The following CTNND2 variants were observed in gnomAD, a reference collection of about 807,000 sequenced individuals.
CTNND2 encodes the protein catenin delta-2.
A neutral mutation model predicts 144.4 loss-of-function variants in CTNND2; 22 were observed. The ratio of observed to expected loss-of-function variants is 0.15; its 90% confidence interval spans 0.11 to 0.22. The LOEUF (loss-of-function observed/expected upper bound fraction) is 0.22. Ranked by LOEUF, CTNND2 falls within the 10% of genes least tolerant of loss-of-function variation. The pLI is 1.00. For synonymous variants in CTNND2, 751 were observed against 695.6 expected (o/e 1.08, Z -1.25); for missense variants, 1,353 against 1,618.8 (o/e 0.84, Z 2.82).
chr5:11,151,625 G>A (rs1757765649), intron 12 of CTNND2, among the ~76,000 whole-genome samples: 1 of 152,154 alleles, frequency 6.6e-6, no homozygotes, highest in Non-Finnish European at 1.5e-5. Context: ...TTTAAAAGAA[G>A]CCCATATTTG....
intron 6 of CTNND2, among the ~76,000 whole-genome samples, chr5:11,390,412 T>A (rs886902090): frequency 6.6e-6 from 1 of 152,146 alleles, no homozygotes; most frequent in Admixed American, 6.5e-5. Context: ...GAAAATTTAT[T>A]CAATCCTCAT....
chr5:11,174,794 A>G (rs1388306807), intron 11 of CTNND2, among the ~76,000 whole-genome samples: 2 of 152,244 alleles, frequency 1.3e-5, no homozygotes, highest in Non-Finnish European at 2.9e-5. Context: ...CAAAGCACGC[A>G]GAACGGTGCA....
intron 2 of CTNND2, among the ~76,000 whole-genome samples, chr5:11,660,286 G>A (rs1783123355): frequency 6.6e-6 from 1 of 152,108 alleles, no homozygotes; most frequent in African/African-American, 2.4e-5. Context: ...ATGAAGGTCT[G>A]CTATTTGATG....
At chr5:11,560,246 TAA>T (rs1250704410) in intron 3 of CTNND2, among the ~76,000 whole-genome samples, 2 of 152,216 alleles carry the variant, frequency 1.3e-5, no homozygotes, top group African/African-American at 4.8e-5. Flanking sequence ...TTCATCAGCA[TAA>T]GTCTTCTAAG....
At chr5:11,237,658 G>A (rs561526860) in intron 9 of CTNND2, among the ~76,000 whole-genome samples, 65 of 152,154 alleles carry the variant, frequency 4.3e-4, no homozygotes, top group African/African-American at 1.4e-3. Flanking sequence ...GTGTCACCAC[G>A]TCCGTCTTAA....
chr5:11,519,989 A>T lies in CTNND2; in HGVS notation c.287+44955T>A, dbSNP rs540108947. Among the ~76,000 whole-genome samples the T allele has an allele frequency of 3.0e-3, 315 of 104,368 alleles. 1 individual carries two copies. The highest frequency in any genetic ancestry group is 0.02 in the African/African-American group (304 of 15,318). 68.5% of individuals were successfully genotyped at this position (104,368 alleles called of 152,430 possible). ...CCCCATTTCTACTAAAAATAGAATA[A>T]AAAAAAAAACAGCTGGGCGTGGTGG... On this transcript the variant is annotated intron_variant, in intron 3 of 21. Coordinates refer to ENST00000304623, the MANE Select transcript of CTNND2 (RefSeq NM_001332.4).
At chr5:11,467,650 G>A (rs186983966) in intron 3 of CTNND2, among the ~76,000 whole-genome samples, 1 of 152,190 alleles carries the variant, frequency 6.6e-6, no homozygotes, top group Admixed American at 6.5e-5. Context: ...AAAGAAAAGG[G>A]TGACTTGGGC....
intron 1 of CTNND2, among the ~76,000 whole-genome samples, chr5:11,756,534 A>C (rs909921256): frequency 6.6e-6 from 1 of 151,692 alleles, no homozygotes; most frequent in Non-Finnish European, 1.5e-5. Flanking sequence ...CAGCAGTCAT[A>C]TTTTATGGGT....
chr5:11,425,111 A>G (rs1238336391), intron 3 of CTNND2, among the ~76,000 whole-genome samples: 1 of 152,234 alleles, frequency 6.6e-6, no homozygotes, highest in East Asian at 1.9e-4. Flanking sequence ...TTCCATTGCC[A>G]TATGTTCTCA....
At chr5:11,609,252 CAT>C (rs143797918) in intron 2 of CTNND2, among the ~76,000 whole-genome samples, 3,629 of 152,328 alleles carry the variant, frequency 0.024, 57 homozygotes, top group Non-Finnish European at 0.028. Flanking sequence ...ATAATTATCA[CAT>C]GTCTCCCAGT....
chr5:11,643,146 C>A, intron 2 of CTNND2, among the ~76,000 whole-genome samples: 1 of 152,202 alleles, frequency 6.6e-6, no homozygotes, highest in African/African-American at 2.4e-5. Flanking sequence ...TAAAATAGAT[C>A]GCAAACTGTA....
intron 9 of CTNND2, among the ~76,000 whole-genome samples, chr5:11,283,985 G>A (rs909159758): frequency 6.6e-6 from 1 of 152,132 alleles, no homozygotes; most frequent in Non-Finnish European, 1.5e-5. Context: ...CAACATGTGG[G>A]CTATTAGCAA....
intron 1 of CTNND2, among the ~76,000 whole-genome samples, chr5:11,871,260 AG>A (rs1320632404): frequency 6.6e-6 from 1 of 152,206 alleles, no homozygotes; most frequent in Non-Finnish European, 1.5e-5. Context: ...GACTTAAGAC[AG>A]CGTTCCTCTA....
chr5:11,033,724 G>C (rs1208716828), intron 16 of CTNND2, among the ~76,000 whole-genome samples: 1 of 152,108 alleles, frequency 6.6e-6, no homozygotes, highest in Non-Finnish European at 1.5e-5. Flanking sequence ...CAGTTACTCG[G>C]GAGGTTGAGG....
intron 2 of CTNND2, among the ~76,000 whole-genome samples, chr5:11,723,949 G>C (rs998307746): frequency 6.6e-6 from 1 of 151,920 alleles, no homozygotes; most frequent in East Asian, 1.9e-4. Flanking sequence ...CCAGCTGCTC[G>C]GGAGCTGTGG....
intron 9 of CTNND2, among the ~76,000 whole-genome samples, chr5:11,339,683 G>T (rs540611926): frequency 6.6e-6 from 1 of 152,168 alleles, no homozygotes; most frequent in Admixed American, 6.5e-5. Flanking sequence ...CTAGGTTATG[G>T]GGGTATAGCT....
chr5:11,019,138 G>A (rs557528447), intron 17 of CTNND2, among the ~76,000 whole-genome samples: 14 of 152,202 alleles, frequency 9.2e-5, no homozygotes, highest in Non-Finnish European at 2.1e-4. Context: ...ATATTTGTGT[G>A]ATTTGCTTTA....
intron 7 of CTNND2, among the ~76,000 whole-genome samples, chr5:11,382,465 G>A (rs1264707160): frequency 4.6e-5 from 7 of 152,090 alleles, no homozygotes; most frequent in Non-Finnish European, 1.0e-4. Context: ...CAGGCGTGGG[G>A]GCAGGTGACT....
intron 9 of CTNND2, among the ~76,000 whole-genome samples, chr5:11,344,324 G>A (rs1248743259): frequency 2.6e-5 from 4 of 152,026 alleles, no homozygotes; most frequent in South Asian, 4.1e-4. Flanking sequence ...CCCGGAAGGC[G>A]GAGCTTGCAG....
Sources: allele counts gnomAD v4.1 joint callset (sites outside exome capture counted in the v4.1 genomes callset), GRCh38; gene constraint gnomAD v4.1.1; transcripts MANE v1.5; gene names NCBI Gene and HGNC (gene_info 2026-07-23, HGNC 2026-07-21).